The following ARHGAP28 variants were observed in gnomAD, a reference collection of about 807,000 sequenced individuals.
ARHGAP28 encodes Rho GTPase activating protein 28, also known as rho GTPase-activating protein 28.
ARHGAP28 carries 56 observed loss-of-function variants against 90.7 expected under a neutral mutation model. The ratio of observed to expected loss-of-function variants is 0.62; its 90% CI spans 0.50 to 0.77. The LOEUF (loss-of-function observed/expected upper bound fraction) is 0.77. ARHGAP28 is among the 30% of genes least tolerant of loss of function. The probability of loss-of-function intolerance (pLI) is 0.00; values close to 1 mark genes in which losing one functional copy is unlikely to be tolerated. For synonymous variants in ARHGAP28, 308 were observed against 323.3 expected (o/e 0.95, Z 0.51); for missense variants, 869 against 900.9 (o/e 0.96, Z 0.45).
intron 1 of ARHGAP28, among the ~76,000 whole-genome samples, chr18:6,813,834 A>G (rs1315272478): frequency 2.6e-5 from 4 of 152,166 alleles, no homozygotes; most frequent in African/African-American, 9.7e-5. Flanking sequence ...TATCTATAAA[A>G]TGTGGTGATT....
intron 2 of ARHGAP28, among the ~76,000 whole-genome samples, chr18:6,828,750 T>A (rs2056694226): frequency 6.6e-6 from 1 of 152,166 alleles, no homozygotes; most frequent in African/African-American, 2.4e-5. Context: ...ATAAACAGTG[T>A]AATTGTCCTT....
chr18:6,755,106 G>C (rs934146954), intron 1 of ARHGAP28, among the ~76,000 whole-genome samples: 1 of 152,176 alleles, frequency 6.6e-6, no homozygotes, highest in Non-Finnish European at 1.5e-5. Flanking sequence ...CCAGGAGGCA[G>C]AGGCTGCAGT....
chr18:6,811,235 A>G (rs1176344664), intron 1 of ARHGAP28, among the ~76,000 whole-genome samples: 2 of 152,164 alleles, frequency 1.3e-5, no homozygotes, highest in African/African-American at 4.8e-5. Flanking sequence ...ACTTTCTACA[A>G]ACTTACTGAT....
intron 16 of ARHGAP28, among the ~76,000 whole-genome samples, chr18:6,902,535 A>T (rs1399798325): frequency 6.6e-6 from 1 of 152,232 alleles, no homozygotes; most frequent in Non-Finnish European, 1.5e-5. Flanking sequence ...TTTCTATTTT[A>T]AAAATGAAAT....
intron 3 of ARHGAP28, among the ~76,000 whole-genome samples, chr18:6,849,061 G>A (rs1047942164): frequency 6.6e-6 from 1 of 151,162 alleles, no homozygotes; most frequent in African/African-American, 2.4e-5. Context: ...ACCAGCCTGG[G>A]TGAAAAAGCG....
intron 1 of ARHGAP28, 88 bp downstream of exon 1, chr18:6,730,031 G>A (rs865893900): frequency 4.1e-6 from 5 of 1,220,314 alleles, no homozygotes; most frequent in Middle Eastern, 3.1e-4. Flanking sequence ...CTGAGCGCAC[G>A]ACCGCCGTCA....
At chr18:6,871,506 T>A (rs1022517702) in intron 7 of ARHGAP28, among the ~76,000 whole-genome samples, 1 of 152,196 alleles carries the variant, frequency 6.6e-6, no homozygotes, top group Non-Finnish European at 1.5e-5. Context: ...TATTAGTACA[T>A]GATGGGCAAA....
chr18:6,908,547 A>C (rs1055267085), intron 16 of ARHGAP28, among the ~76,000 whole-genome samples: 2 of 152,226 alleles, frequency 1.3e-5, no homozygotes, highest in African/African-American at 4.8e-5. Context: ...AATTCCATTC[A>C]ATTTTTTGGC....
At position 6,843,258 on chromosome 18, in the gene ARHGAP28, C is replaced by T. The variant is rs567333556; in HGVS notation, c.543+5844C>T. Among the ~76,000 whole-genome samples the T allele has an allele frequency of 4.6e-5, 7 of 152,302 alleles. No individual in the cohort carries two copies. In the East Asian group the frequency reaches 1.4e-3, roughly 29 times the overall value. On this transcript the variant is annotated intron_variant, in intron 3 of 17. Transcript: ENST00000383472. ...CTCACTGGGACAGCCGCCACTGCCA[C>T]CGAGGCAGGTGTCACTCATCACCGA...
intron 3 of ARHGAP28, among the ~76,000 whole-genome samples, chr18:6,841,186 T>TCTCTCTC (rs1555631493): frequency 1.9e-4 from 11 of 57,800 alleles, no homozygotes; most frequent in East Asian, 9.6e-4. Context: ...CTCTCCTCTC[T>TCTCTCTC]CTCTCTCTCT....
intron 1 of ARHGAP28, among the ~76,000 whole-genome samples, chr18:6,811,984 CTG>C (rs1420580959): frequency 6.6e-6 from 1 of 152,152 alleles, no homozygotes; most frequent in African/African-American, 2.4e-5. Context: ...AAATGGGAAA[CTG>C]TGAGTCACTG....
chr18:6,803,455 T>A (rs1259169064), intron 1 of ARHGAP28, among the ~76,000 whole-genome samples: 1 of 152,154 alleles, frequency 6.6e-6, no homozygotes, highest in African/African-American at 2.4e-5. Flanking sequence ...ATGCATTATA[T>A]TTTTTATATA....
At position 6,729,921 on chromosome 18, in the gene ARHGAP28, G is replaced by GCAGC; in HGVS notation, c.107_110dup (p.His37GlnfsTer16). ...CGAGTCGCGCTGCGCGCCCCGCGCC[G>GCAGC]CAGCCAGCCACCCGCTCAGCAGGTA... On this transcript the variant is annotated frameshift_variant, in exon 1 of 18. Transcript: ENST00000383472. LOFTEE classifies it high-confidence loss of function. 6 of 1,400,746 alleles carry GCAGC rather than the reference G, an allele frequency of 4.3e-6. No individual in the cohort carries two copies. The highest frequency in any genetic ancestry group is 5.6e-6 in the Non-Finnish European group (6 of 1,079,600). 86.8% of individuals were successfully genotyped at this position (1,400,746 alleles called of 1,614,324 possible).
At chr18:6,879,843 A>C (rs1315317130) in intron 10 of ARHGAP28, among the ~76,000 whole-genome samples, 1 of 152,144 alleles carries the variant, frequency 6.6e-6, no homozygotes. Context: ...ATTCCATTGT[A>C]CATTGAGAAG....
chr18:6,817,066 G>C lies in ARHGAP28; in HGVS notation c.123-7696G>C, dbSNP rs142204064. 9.6e-3 allele frequency among the ~76,000 whole-genome samples: 1,446 copies of C among 150,302 alleles called. 18 individuals carry two copies. The highest frequency in any genetic ancestry group is 0.033 in the African/African-American group (1,341 of 40,904). On this transcript the variant is annotated intron_variant, in intron 1 of 17. Coordinates refer to ENST00000383472, the MANE Select transcript of ARHGAP28 (RefSeq NM_001366230.1). The stretch of plus-strand genomic sequence containing the variant: ...GATTGCACCACTGCACTCCAGCCTG[G>C]GTGGCAGAGACCCTGTCTTAAAAAA...
chr18:6,900,366 A>G (rs1273983405), intron 16 of ARHGAP28, among the ~76,000 whole-genome samples: 1 of 152,246 alleles, frequency 6.6e-6, no homozygotes, highest in Non-Finnish European at 1.5e-5. Flanking sequence ...TCTGACAAGA[A>G]TTTTATAGCA....
chr18:6,819,121 T>C (rs1426220030), intron 1 of ARHGAP28, among the ~76,000 whole-genome samples: 1 of 152,230 alleles, frequency 6.6e-6, no homozygotes, highest in Non-Finnish European at 1.5e-5. Context: ...GAGTATTTCA[T>C]AGTAAGAAGT....
At chr18:6,846,804 T>C (rs923309350) in intron 3 of ARHGAP28, among the ~76,000 whole-genome samples, 2 of 152,166 alleles carry the variant, frequency 1.3e-5, no homozygotes, top group African/African-American at 4.8e-5. Context: ...TGTCTTCTCT[T>C]TACCCCGTTG....
chr18:6,903,077 G>C (rs1219727763), intron 16 of ARHGAP28, among the ~76,000 whole-genome samples: 1 of 152,164 alleles, frequency 6.6e-6, no homozygotes, highest in Non-Finnish European at 1.5e-5. Flanking sequence ...TAAACACTAT[G>C]TGACGCCACT....
Sources: gnomAD v4.1 joint callset for allele counts (sites outside exome capture counted in the v4.1 genomes callset) on GRCh38, gnomAD v4.1.1 for gene constraint, MANE v1.5 for transcripts, NCBI Gene and HGNC (gene_info 2026-07-23, HGNC 2026-07-21) for gene names.